Variants in HERC5 observed in about 807,000 individuals in gnomAD.
HERC5 encodes the protein E3 ISG15--protein ligase HERC5.
In HERC5, 99 loss-of-function variants were observed where a neutral mutation model predicts 119.6. The ratio of observed to expected loss-of-function variants is 0.83; its 90% CI spans 0.70 to 0.98. The LOEUF is 0.98. Among genes scored for constraint, HERC5 ranks in the 50% least tolerant of loss-of-function variants. The probability of loss-of-function intolerance (pLI) is 0.00; values close to 1 mark genes in which losing one functional copy is unlikely to be tolerated. For missense variants in HERC5, 1,267 were observed against 1,241.3 expected, an observed-to-expected ratio of 1.02 and a Z score of -0.31; for synonymous variants, 478 against 445.9, an observed-to-expected ratio of 1.07 and a Z score of -0.91.
intron 11 of HERC5, among the ~76,000 whole-genome samples, chr4:88,474,981 C>G (rs1307341013): frequency 6.6e-6 from 1 of 152,074 alleles, no homozygotes; most frequent in Non-Finnish European, 1.5e-5. Context: ...TTTTCCTAAA[C>G]AGTTGCATTC....
intron 8 of HERC5, 117 bp downstream of exon 8, chr4:88,468,539 G>T (rs1740755925): frequency 4.8e-6 from 3 of 627,916 alleles, no homozygotes; most frequent in Non-Finnish European, 8.3e-6. Context: ...CTTTTTGGGG[G>T]ATAGCTGGAC....
Position 88,469,162 on chromosome 4 carries a change from A to C in HERC5, c.1140A>C (p.Ser380=), listed in dbSNP as rs1160281569. ...SILLWIKKEN[S]YVNLKRTIPT... ...ACTTTCCTGTTTGTTTACAGAATTCATATGTTAATCTGAAGAGGACAATTC... is the reference window on the plus strand; with the variant it reads ...ACTTTCCTGTTTGTTTACAGAATTCCTATGTTAATCTGAAGAGGACAATTC... The change falls in exon 9 of 23, where the codon TCA becomes TCC. Residue 380 remains serine, a synonymous_variant. Transcript: ENST00000264350. The C allele has an allele frequency of 1.9e-6, 3 of 1,600,760 alleles. No individual in the cohort carries two copies. Among genetic ancestry groups the C allele is most frequent in the Non-Finnish European group, 2.6e-6 (3 of 1,169,348 alleles).
In HERC5 at chr4:88,469,163, T is replaced by C. The variant is rs1740778645; in HGVS notation, c.1141T>C (p.Tyr381His). Residue 381 changes from tyrosine (Y) to histidine (H), a missense_variant, in exon 9 of 23, where the codon TAT (tyrosine) becomes CAT (histidine). Transcript: ENST00000264350. ...CTTTCCTGTTTGTTTACAGAATTCA[T>C]ATGTTAATCTGAAGAGGACAATTCC... ...ILLWIKKENSYVNLKRTIPTL... is the reference protein window; with the variant it reads ...ILLWIKKENSHVNLKRTIPTL... 1 of 1,598,362 alleles carries C rather than the reference T, an allele frequency of 6.3e-7. No individual in the cohort carries two copies. Among genetic ancestry groups the C allele is most frequent in the Non-Finnish European group, 8.6e-7 (1 of 1,167,114 alleles).
At chr4:88,467,915 G>C (rs1403466742) in intron 7 of HERC5, 4 of 980,146 alleles carry the variant, frequency 4.1e-6, no homozygotes, top group African/African-American at 1.8e-5. Context: ...AAAACGAACA[G>C]AGTTATTTCC....
chr4:88,469,435 C>G (rs1280783829), intron 9 of HERC5, among the ~76,000 whole-genome samples, 175 bp downstream of exon 9: 1 of 152,112 alleles, frequency 6.6e-6, no homozygotes, highest in East Asian at 1.9e-4. Flanking sequence ...GTCTGTCCAT[C>G]TATGTATCTA....
intron 16 of HERC5, among the ~76,000 whole-genome samples, chr4:88,490,742 G>T (rs543201763): frequency 6.6e-6 from 1 of 152,270 alleles, no homozygotes; most frequent in African/African-American, 2.4e-5. Flanking sequence ...TGCTTGGGAG[G>T]CTGAGGCAGT....
At position 88,475,841 on chromosome 4, in the gene HERC5, A is replaced by G; in HGVS notation, c.1393A>G (p.Ile465Val). ...LTQKDWITNM[I>V]TTCLKDNLLK... ...TTTCCCTGTTCCTTTCTGACCACAG[A>G]TAACCACCTGCCTCAAAGATAATCT... The change falls in exon 12 of 23, where the codon ATA becomes GTA. Residue 465 changes from isoleucine (I) to valine (V), a missense_variant and splice_region_variant. Ile to Val is a conservative substitution (Grantham distance 29). Transcript: ENST00000264350. 6.2e-7 allele frequency: 1 copy of G among 1,613,796 alleles called. No individual in the cohort carries two copies. Among genetic ancestry groups the G allele is most frequent in the South Asian group, 1.1e-5 (1 of 91,006 alleles).
At chr4:88,478,073 A>G (rs966357842) in intron 12 of HERC5, among the ~76,000 whole-genome samples, 19 of 152,220 alleles carry the variant, frequency 1.2e-4, no homozygotes, top group Admixed American at 7.9e-4. Context: ...CTGTAAAGGA[A>G]CTTTTCCAGG....
chr4:88,489,279 G>C lies in HERC5; in HGVS notation c.2076G>C (p.Glu692Asp). 6.2e-7 allele frequency: 1 copy of C among 1,613,974 alleles called. No individual in the cohort carries two copies. The highest frequency in any genetic ancestry group is 8.5e-7 in the Non-Finnish European group (1 of 1,179,900). ...CAGTCAGAAGGAATCACTTGATTGA[G>C]GATGTTTTGAATCAGCTAAGTCAAT... The part of the protein sequence containing the change: ...DLTVRRNHLI[E>D]DVLNQLSQFE... The change falls in exon 16 of 23, where the codon GAG (glutamate) becomes GAC (aspartate). Residue 692 changes from glutamate to aspartate, a missense_variant. Transcript: ENST00000264350.
chr4:88,478,947 C>G (rs1741175364), intron 12 of HERC5, among the ~76,000 whole-genome samples: 1 of 151,192 alleles, frequency 6.6e-6, no homozygotes, highest in African/African-American at 2.4e-5. Flanking sequence ...ACTATAGTAA[C>G]AATTTTACTA....
At chr4:88,491,615 A>G (rs901858405) in intron 16 of HERC5, among the ~76,000 whole-genome samples, 1 of 152,168 alleles carries the variant, frequency 6.6e-6, no homozygotes, top group East Asian at 1.9e-4. Context: ...GAGATATGAG[A>G]AAAAGTCCTT....
intron 4 of HERC5, among the ~76,000 whole-genome samples, chr4:88,462,791 A>T (rs1740497308): frequency 6.6e-6 from 1 of 152,254 alleles, no homozygotes; most frequent in Non-Finnish European, 1.5e-5. Context: ...TTAAGAACTC[A>T]CATATCCTGA....
chr4:88,478,476 CAAAG>C (rs1172183623), intron 12 of HERC5, among the ~76,000 whole-genome samples: 5 of 151,732 alleles, frequency 3.3e-5, no homozygotes, highest in South Asian at 2.1e-4. Flanking sequence ...TCAAAGGACA[CAAAG>C]AAGCAGATGT....
chr4:88,494,425 C>G (rs1741742292), intron 18 of HERC5, 94 bp downstream of exon 18: 2 of 1,035,340 alleles, frequency 1.9e-6, no homozygotes, highest in African/African-American at 1.7e-5. Context: ...CCATGTTCAA[C>G]AGCAGCATTT....
At chr4:88,496,084 C>T (rs764105143) in intron 18 of HERC5, among the ~76,000 whole-genome samples, 1 of 152,164 alleles carries the variant, frequency 6.6e-6, no homozygotes, top group African/African-American at 2.4e-5. Context: ...CATATAGCCT[C>T]ATGAAAACTC....
In HERC5 at chr4:88,485,715, G is replaced by T. The variant is rs570825901; in HGVS notation, c.1738-400G>T. ...ATGGAGGGTTGGAAAATTTCCTCTC[G>T]GTAGGGGAATGTTCCACAAATGCCT... On this transcript the variant is annotated intron_variant, in intron 13 of 22. Coordinates refer to ENST00000264350, the MANE Select transcript of HERC5 (RefSeq NM_016323.4). Among the ~76,000 whole-genome samples, 3 of 152,098 alleles carry T rather than the reference G, an allele frequency of 2.0e-5. No individual in the cohort carries two copies. In the East Asian group the frequency reaches 5.8e-4, roughly 29 times the overall value.
chr4:88,498,911 C>T (rs1217866624), intron 18 of HERC5, among the ~76,000 whole-genome samples: 1 of 152,174 alleles, frequency 6.6e-6, no homozygotes, highest in African/African-American at 2.4e-5. Context: ...TTCGATTTCA[C>T]AGGATCACAG....
chr4:88,474,372 C>T (rs969119362), intron 11 of HERC5, among the ~76,000 whole-genome samples: 2 of 152,158 alleles, frequency 1.3e-5, no homozygotes, highest in Admixed American at 6.5e-5. Context: ...GCTAGAAAAG[C>T]GTATGCCAAA....
At chr4:88,494,769 G>T (rs150425904) in intron 18 of HERC5, among the ~76,000 whole-genome samples, 3 of 152,186 alleles carry the variant, frequency 2.0e-5, no homozygotes, top group Admixed American at 2.0e-4. Flanking sequence ...CTACACATCC[G>T]TAAGAAATAT....
Sources: allele counts gnomAD v4.1 joint callset (sites outside exome capture counted in the v4.1 genomes callset), GRCh38; gene constraint gnomAD v4.1.1; transcripts MANE v1.5; gene names NCBI Gene and HGNC (gene_info 2026-07-23, HGNC 2026-07-21).